The following SETX variants were observed in gnomAD, a reference collection of about 807,000 sequenced individuals.
SETX encodes helicase senataxin.
A neutral mutation model predicts 227.2 loss-of-function variants in SETX; 90 were observed. The observed-to-expected ratio is 0.40, with a 90% CI of 0.33 to 0.47. The LOEUF (loss-of-function observed/expected upper bound fraction) is 0.47, where lower values mean the gene tolerates loss of function less well. SETX is among the 20% of genes least tolerant of loss of function. The pLI, the probability that SETX is intolerant of heterozygous loss-of-function variation, is 0.91. For synonymous variants in SETX, 1,210 were observed against 1,113.2 expected (o/e 1.09, Z -1.73); for missense variants, 3,052 against 3,181.5 (o/e 0.96, Z 0.98).
At chr9:132,311,555 G>C (rs1413596033) in intron 11 of SETX, among the ~76,000 whole-genome samples, 1 of 152,058 alleles carries the variant, frequency 6.6e-6, no homozygotes, top group African/African-American at 2.4e-5. Flanking sequence ...TCTAACTACA[G>C]AGTGGGGAAA....
At chr9:132,319,144 T>C (rs554296462) in intron 10 of SETX, among the ~76,000 whole-genome samples, 1 of 152,284 alleles carries the variant, frequency 6.6e-6, no homozygotes, top group South Asian at 2.1e-4. Flanking sequence ...CCCACATCAG[T>C]TCTATCACCA....
Position 132,346,370 on chromosome 9 carries a change from A to G in SETX, c.279T>C (p.Asn93=). The part of the protein sequence containing the change: ...DDDELYIVDN[N]GEMPLFDITG... Reference sequence around the variant, plus strand: ...TGATGTCAAACAGTGGCATCTCTCCATTATTGTCTACTATATATAACTCAT... The same window carrying G: ...TGATGTCAAACAGTGGCATCTCTCCGTTATTGTCTACTATATATAACTCAT... Residue 93 remains asparagine, a synonymous_variant, in exon 4 of 26, where the codon AAT becomes AAC. Coordinates refer to ENST00000224140, the MANE Select transcript of SETX (RefSeq NM_015046.7). 1 of 1,613,808 alleles carries G rather than the reference A, an allele frequency of 6.2e-7. No individual in the cohort carries two copies. The highest frequency in any genetic ancestry group is 8.5e-7 in the Non-Finnish European group (1 of 1,179,754).
chr9:132,320,165 C>T (rs1300564234), intron 10 of SETX, among the ~76,000 whole-genome samples: 1 of 152,106 alleles, frequency 6.6e-6, no homozygotes, highest in Admixed American at 6.5e-5. Context: ...ATTTGTCTTT[C>T]GTAAGAGATA....
Position 132,346,345 on chromosome 9 carries a change from T to C in SETX, c.304A>G (p.Thr102Ala), listed in dbSNP as rs770962447. ...AGCTTATTTTCAAAGTCTTGCCCAG[T>C]GATGTCAAACAGTGGCATCTCTCCA... ...NNGEMPLFDI[T>A]GQDFENKLRV... Residue 102 changes from threonine to alanine, a missense_variant, in exon 4 of 26, where the codon ACT (threonine) becomes GCT (alanine). Thr to Ala is a moderately conservative substitution (Grantham distance 58). Transcript: ENST00000224140. The C allele has an allele frequency of 3.7e-6, 6 of 1,613,904 alleles. No individual in the cohort carries two copies. Among genetic ancestry groups the C allele is most frequent in the Non-Finnish European group, 5.1e-6 (6 of 1,179,914 alleles).
rs371364357 is a variant in SETX at position 132,329,438 on chromosome 9, T to C, written c.2160A>G (p.Ser720=). 1.2e-6 allele frequency: 2 copies of C among 1,613,548 alleles called. No homozygotes were observed. Among genetic ancestry groups the C allele is most frequent in the Non-Finnish European group, 1.7e-6 (2 of 1,179,950 alleles). ...RKQKSVKEIS[S]YTPKDCTSRN... ...TTGAAGTACAGTCCTTTGGTGTATA[T>C]GAAGAGATCTCTTTTACAGACTTCT... Residue 720 remains serine, a synonymous_variant, in exon 10 of 26, where the codon TCA becomes TCG. Transcript: ENST00000224140.
At chr9:132,279,837 A>G (rs187950785) in intron 20 of SETX, among the ~76,000 whole-genome samples, 1 of 152,312 alleles carries the variant, frequency 6.6e-6, no homozygotes, top group East Asian at 1.9e-4. Flanking sequence ...ATATTCTGAC[A>G]TGGGAGGATG....
At chr9:132,294,167 A>G (rs1173571543) in intron 15 of SETX, among the ~76,000 whole-genome samples, 1 of 152,164 alleles carries the variant, frequency 6.6e-6, no homozygotes, top group Non-Finnish European at 1.5e-5. Flanking sequence ...AAAACTACCA[A>G]CTGTACACTG....
chr9:132,297,820 T>C (rs1283079463), intron 13 of SETX, among the ~76,000 whole-genome samples: 1 of 152,212 alleles, frequency 6.6e-6, no homozygotes, highest in Non-Finnish European at 1.5e-5. Flanking sequence ...TCTCACCTAA[T>C]GCACATTAAG....
chr9:132,354,185 T>C (rs746748721), intron 1 of SETX, among the ~76,000 whole-genome samples: 2 of 152,160 alleles, frequency 1.3e-5, no homozygotes, highest in Non-Finnish European at 2.9e-5. Flanking sequence ...CAAAGTCCTG[T>C]GGCCAGCAGC....
At chr9:132,325,782 AT>A (rs1193026420) in intron 10 of SETX, among the ~76,000 whole-genome samples, 2 of 151,760 alleles carry the variant, frequency 1.3e-5, no homozygotes, top group African/African-American at 4.8e-5. Context: ...AAAATACAAA[AT>A]TAGTGAGGCC....
At chr9:132,341,238 A>G (rs1847940450) in intron 5 of SETX, among the ~76,000 whole-genome samples, 1 of 151,902 alleles carries the variant, frequency 6.6e-6, no homozygotes. Context: ...ATATAATAAT[A>G]AAAAAAATTT....
At chr9:132,354,388 C>CG (rs1435314472) in intron 1 of SETX, among the ~76,000 whole-genome samples, 1 of 149,180 alleles carries the variant, frequency 6.7e-6, no homozygotes, top group African/African-American at 2.5e-5. Context: ...CCCAGTTACT[C>CG]GGGGGGATGA....
intron 5 of SETX, among the ~76,000 whole-genome samples, chr9:132,341,390 T>G (rs1481629720): frequency 6.6e-6 from 1 of 152,050 alleles, no homozygotes; most frequent in East Asian, 1.9e-4. Context: ...TTTCCTCGTG[T>G]GTTTCAGGGA....
chr9:132,265,696 T>C (rs1842613747), intron 25 of SETX, among the ~76,000 whole-genome samples: 1 of 152,226 alleles, frequency 6.6e-6, no homozygotes, highest in South Asian at 2.1e-4. Context: ...ATGGCTATTG[T>C]ACTGAGCAGT....
chr9:132,313,285 TA>T (rs545332498), intron 10 of SETX, among the ~76,000 whole-genome samples: 11 of 151,874 alleles, frequency 7.2e-5, no homozygotes, highest in East Asian at 1.9e-4. Flanking sequence ...ACAACAAAGA[TA>T]AAAAAAATGG....
At chr9:132,278,762 T>C (rs898467488) in intron 20 of SETX, among the ~76,000 whole-genome samples, 1 of 152,246 alleles carries the variant, frequency 6.6e-6, no homozygotes, top group African/African-American at 2.4e-5. Flanking sequence ...ATAAAGGAAA[T>C]GTAACACAGA....
At chr9:132,332,420 C>T (rs148498869) in intron 7 of SETX, among the ~76,000 whole-genome samples, 347 of 152,344 alleles carry the variant, frequency 2.3e-3, no homozygotes, top group Non-Finnish European at 2.3e-3. Context: ...TGAATTCACG[C>T]AGTCACTGCT....
At position 132,270,202 on chromosome 9, in the gene SETX, A is replaced by G. The variant is rs71481391; in HGVS notation, c.7200-500T>C. ...GACTCTAGAATGACTCAGCGTGCCC[A>G]TGTGAGACACAGGTGGACTCTACAA... On this transcript the variant is annotated intron_variant, in intron 24 of 25. Coordinates refer to ENST00000224140, the MANE Select transcript of SETX (RefSeq NM_015046.7). 2.5e-3 allele frequency among the ~76,000 whole-genome samples: 344 copies of G among 137,584 alleles called. 8 individuals carry two copies. The highest frequency in any genetic ancestry group is 5.3e-3 in the African/African-American group (195 of 37,088). 90.3% of individuals were successfully genotyped at this position (137,584 alleles called of 152,430 possible). A position where few individuals can be genotyped will look rare whatever the true frequency, so the allele number is the denominator to read the frequency against.
chr9:132,286,154 G>T, intron 18 of SETX, among the ~76,000 whole-genome samples: 1 of 143,848 alleles, frequency 7.0e-6, no homozygotes, highest in African/African-American at 2.6e-5. Context: ...CTATACTCCA[G>T]TCTGGTGACA....
Sources: gnomAD v4.1 joint callset for allele counts (sites outside exome capture counted in the v4.1 genomes callset) on GRCh38, gnomAD v4.1.1 for gene constraint, MANE v1.5 for transcripts, NCBI Gene and HGNC (gene_info 2026-07-23, HGNC 2026-07-21) for gene names.